LIPA: variants seen among roughly 807,000 people sequenced by gnomAD.
LIPA encodes the protein lipase A, lysosomal acid type.
In LIPA, 26 loss-of-function variants were observed where a neutral mutation model predicts 40.6. That is an observed-to-expected ratio of 0.64 (90% CI 0.47 to 0.89). The LOEUF (loss-of-function observed/expected upper bound fraction) is 0.89. Ranked by LOEUF, LIPA falls within the 40% of genes least tolerant of loss-of-function variation. LIPA has a pLI of 0.00. For synonymous variants in LIPA, 188 were observed against 168.4 expected (o/e 1.12, Z -0.90); for missense variants, 455 against 479.6 (o/e 0.95, Z 0.48).
intron 2 of LIPA, among the ~76,000 whole-genome samples, chr10:89,352,943 GA>G: frequency 6.6e-6 from 1 of 152,298 alleles, no homozygotes; most frequent in Non-Finnish European, 1.5e-5. Flanking sequence ...GTACAGGACA[GA>G]AAGTCATAAC....
At chr10:89,365,642 G>A (rs1306922135) in intron 2 of LIPA, among the ~76,000 whole-genome samples, 2 of 152,022 alleles carry the variant, frequency 1.3e-5, no homozygotes, top group African/African-American at 4.8e-5. Context: ...GTGTAAGGAA[G>A]GGATCCAGTT....
chr10:89,392,467 C>CT, intron 2 of LIPA: 2 of 136,436 alleles, frequency 1.5e-5, no homozygotes, highest in Non-Finnish European at 2.5e-5. Flanking sequence ...AAGTTTCATT[C>CT]CCCACCCCCC....
intron 1 of LIPA, among the ~76,000 whole-genome samples, chr10:89,303,754 T>C (rs1015353151): frequency 1.3e-5 from 2 of 152,234 alleles, no homozygotes; most frequent in African/African-American, 2.4e-5. Flanking sequence ...AGAAAGGAGC[T>C]AAGGAGTTTA....
chr10:89,355,863 A>C lies in LIPA; in HGVS notation c.61+56928T>G, dbSNP rs1436211544. 2.0e-5 allele frequency among the ~76,000 whole-genome samples: 3 copies of C among 152,160 alleles called. No homozygotes were observed. The East Asian group carries it at 5.8e-4, about 29-fold the overall frequency. On this transcript the variant is annotated intron_variant, in intron 2 of 8. Coordinates refer to the LIPA transcript ENST00000371837. ...GGCATTTTGCCATGGCAACATTCAG[A>C]AGTTAACCTATATGGTCTAAAAGTG...
chr10:89,360,942 G>T (rs918180184), intron 2 of LIPA, among the ~76,000 whole-genome samples: 28 of 152,092 alleles, frequency 1.8e-4, no homozygotes, highest in African/African-American at 6.5e-4. Context: ...CCTCTTAGGT[G>T]CCATGCTCTC....
chr10:89,376,523 T>C (rs1334268816), intron 2 of LIPA, among the ~76,000 whole-genome samples: 1 of 152,160 alleles, frequency 6.6e-6, no homozygotes. Flanking sequence ...AACTCAGAAG[T>C]TCCCTGAAAA....
chr10:89,384,874 G>C, intron 2 of LIPA: 1 of 737,786 alleles, frequency 1.4e-6, no homozygotes, highest in East Asian at 2.7e-5. Context: ...TGTGGCCTGA[G>C]TTATGTAGCA....
At chr10:89,316,065 C>T (rs533112280) in intron 1 of LIPA, among the ~76,000 whole-genome samples, 1 of 152,290 alleles carries the variant, frequency 6.6e-6, no homozygotes, top group East Asian at 1.9e-4. Context: ...ACATCAGAAT[C>T]TCCTAGAGAC....
chr10:89,240,358 G>A (rs2133454848), intron 3 of LIPA, among the ~76,000 whole-genome samples: 2 of 152,296 alleles, frequency 1.3e-5, no homozygotes, highest in South Asian at 4.1e-4. Flanking sequence ...CCCTTTGGGA[G>A]GCTGAGGGAG....
intron 2 of LIPA, chr10:89,402,277 A>G (rs749123105): frequency 2.5e-6 from 4 of 1,569,236 alleles, no homozygotes; most frequent in Non-Finnish European, 2.6e-6. Context: ...TTTTGTTTTT[A>G]CAGTACAAAT....
chr10:89,296,755 G>T (rs544415411), intron 1 of LIPA, among the ~76,000 whole-genome samples: 10 of 152,170 alleles, frequency 6.6e-5, no homozygotes, highest in African/African-American at 2.2e-4. Context: ...TTCTATCTGT[G>T]CTTTGTGTAA....
intron 2 of LIPA, among the ~76,000 whole-genome samples, chr10:89,352,051 T>A (rs2133586994): frequency 6.6e-6 from 1 of 152,328 alleles, no homozygotes; most frequent in Non-Finnish European, 1.5e-5. Context: ...GACACACCCC[T>A]TCCTTATTAA....
At chr10:89,265,301 G>A (rs892057554) in intron 1 of LIPA, among the ~76,000 whole-genome samples, 1 of 152,116 alleles carries the variant, frequency 6.6e-6, no homozygotes, top group Non-Finnish European at 1.5e-5. Flanking sequence ...CTGTAGCTGT[G>A]CCTGGGAGGG....
chr10:89,343,395 T>TGAGAAGG (rs1843888723), upstream of LIPA, among the ~76,000 whole-genome samples: 1 of 152,104 alleles, frequency 6.6e-6, no homozygotes, highest in Non-Finnish European at 1.5e-5. Flanking sequence ...GGTCTTCAAA[T>TGAGAAGG]GAGAAGGGAG....
chr10:89,292,527 T>C (rs1028441229), intron 1 of LIPA: 2 of 152,272 alleles, frequency 1.3e-5, no homozygotes, highest in African/African-American at 4.8e-5. Context: ...GTAAATGGTA[T>C]GGGTGGCAGT....
At chr10:89,280,979 G>A (rs751988570) in intron 1 of LIPA, among the ~76,000 whole-genome samples, 9 of 152,168 alleles carry the variant, frequency 5.9e-5, no homozygotes, top group Non-Finnish European at 1.3e-4. Flanking sequence ...AGTACAAGAA[G>A]AAAAAGCACG....
intron 1 of LIPA, among the ~76,000 whole-genome samples, chr10:89,311,302 C>T (rs1186793406): frequency 6.6e-6 from 1 of 152,046 alleles, no homozygotes; most frequent in East Asian, 1.9e-4. Flanking sequence ...GAGGGTAGAT[C>T]ACCTGAGGTC....
Position 89,331,204 on chromosome 10 carries a change from A to T in LIPA, c.-2+11407T>A, listed in dbSNP as rs1294726535. ...GTTGTTGTTTTTGAGACAGAGTCTC[A>T]CTCTGTCACCCAGGCTGGAGTGCAG... On this transcript the variant is annotated intron_variant, in intron 1 of 5. Transcript: ENST00000282673. Among the ~76,000 whole-genome samples the T allele has an allele frequency of 3.9e-5, 6 of 151,938 alleles. No homozygotes were observed. In the East Asian group the frequency reaches 9.7e-4, roughly 24 times the overall value.
rs142186736 is a variant in LIPA, at chr10:89,338,012, G to A, written c.-2+4599C>T. ...TTGTGTTAGGTGACTTTGCCCCACTGTAGGCTAATGTAAGGGTTCTGAGCA... is the reference window on the plus strand; with the variant it reads ...TTGTGTTAGGTGACTTTGCCCCACTATAGGCTAATGTAAGGGTTCTGAGCA... On this transcript the variant is annotated intron_variant, in intron 1 of 5. Transcript: ENST00000282673. 1.0e-3 allele frequency among the ~76,000 whole-genome samples: 153 copies of A among 152,272 alleles called. 1 individual carries two copies. Among genetic ancestry groups the A allele is most frequent in the Non-Finnish European group, 1.9e-3 (127 of 68,008 alleles).
Sources: gnomAD v4.1 joint callset for allele counts (sites outside exome capture counted in the v4.1 genomes callset) on GRCh38, gnomAD v4.1.1 for gene constraint, MANE v1.5 for transcripts, NCBI Gene and HGNC (gene_info 2026-07-23, HGNC 2026-07-21) for gene names.